XAB2: variants seen among roughly 807,000 people sequenced by gnomAD.
XAB2 encodes the protein XPA binding protein 2.
In XAB2, 57 loss-of-function variants were observed where a neutral mutation model predicts 113.4. The ratio of observed to expected loss-of-function variants is 0.50; its 90% confidence interval spans 0.41 to 0.63. The LOEUF (loss-of-function observed/expected upper bound fraction) is 0.63, where lower values mean the gene tolerates loss of function less well. XAB2 is among the 20% of genes least tolerant of loss of function. XAB2 has a pLI of 0.00. For synonymous variants in XAB2, 497 were observed against 498.8 expected, an observed-to-expected ratio of 1.00 and a Z score of 0.05; for missense variants, 1,037 against 1,233.3, an observed-to-expected ratio of 0.84 and a Z score of 2.38.
chr19:7,621,095 G>GGCCCCCCCCCCCCCCCCCCCCCCCCCC, intron 13 of XAB2, 40 bp downstream of exon 13: 2 of 1,486,314 alleles, frequency 1.3e-6, no homozygotes, highest in Non-Finnish European at 1.8e-6. Context: ...CAGAAACCCA[G>GGCCCCCCCCCCCCCCCCCCCCCCCCCC]CCCGCCCGCC....
chr19:7,621,253 G>T lies in XAB2; in HGVS notation c.1662C>A (p.Ser554=), dbSNP rs776970799. 20 of 1,613,094 alleles carry T rather than the reference G, an allele frequency of 1.2e-5. No homozygotes were observed. Among genetic ancestry groups the T allele is most frequent in the Non-Finnish European group, 1.7e-5 (20 of 1,179,994 alleles). The change falls in exon 13 of 19, where the codon TCC becomes TCA. Residue 554 remains serine, a synonymous_variant. Coordinates refer to ENST00000358368, the MANE Select transcript of XAB2 (RefSeq NM_020196.3). The stretch of plus-strand genomic sequence containing the variant: ...TGGTCAGGTAGGTGCTCCAGATGTC[G>T]GACACGTTGGGCCACTTGAACAGCG... ...GISLFKWPNV[S]DIWSTYLTKF... is the part of the protein sequence containing the mutation.
Position 7,625,442 on chromosome 19 carries a change from G to A in XAB2, c.822+438C>T, listed in dbSNP as rs116420189. Among the ~76,000 whole-genome samples the A allele has an allele frequency of 0.011, 1,601 of 151,104 alleles. 28 individuals are homozygous for A. Among genetic ancestry groups the A allele is most frequent in the African/African-American group, 0.036 (1,495 of 41,086 alleles). On this transcript the variant is annotated intron_variant, in intron 6 of 18. Coordinates refer to ENST00000358368, the MANE Select transcript of XAB2 (RefSeq NM_020196.3). This position sits in a 1 kb window ranked among gnomAD's most constrained non-coding sequence, Gnocchi z 5.2. ...ACCCTCAGCAGGATAGTAATCGTGT[G>A]CAGGGATATGCATGTCTGTCAAAAA... is the stretch of plus-strand genomic sequence containing the variant.
In XAB2 at chr19:7,628,175, G is replaced by A. The variant is rs2031182152; in HGVS notation, c.175C>T (p.Arg59Trp). ...CTGCAGGGCAGCAGCTTGAGTGCCCGCTCGTATAGCTGATTGAGCCTGGGC... is the reference window on the plus strand; with the variant it reads ...CTGCAGGGCAGCAGCTTGAGTGCCCACTCGTATAGCTGATTGAGCCTGGGC... ...PKPRLNQLYE[R>W]ALKLLPCSYK... is the part of the protein sequence containing the mutation. Residue 59 changes from arginine to tryptophan, a missense_variant, in exon 2 of 19, where the codon CGG (arginine) becomes TGG (tryptophan). Transcript: ENST00000358368. This position sits in a 1 kb window ranked among gnomAD's most constrained non-coding sequence, Gnocchi z 4.6. The A allele has an allele frequency of 2.5e-6, 4 of 1,613,566 alleles. No homozygotes were observed. Among genetic ancestry groups the A allele is most frequent in the Non-Finnish European group, 1.7e-6 (2 of 1,179,862 alleles).
At position 7,622,880 on chromosome 19, in the gene XAB2, A is replaced by G; in HGVS notation, c.1253T>C (p.Leu418Pro). 4 of 1,613,796 alleles carry G rather than the reference A, an allele frequency of 2.5e-6. No individual in the cohort carries two copies. Among genetic ancestry groups the G allele is most frequent in the Non-Finnish European group, 3.4e-6 (4 of 1,179,918 alleles). The change falls in exon 10 of 19, where the codon CTG becomes CCG. Residue 418 changes from leucine to proline, a missense_variant. By Grantham distance (98) the Leu-to-Pro change is moderately conservative (BLOSUM62 -3). Transcript: ENST00000358368. ...NGQLDDARVI[L>P]EKATKVNFKQ... Reference sequence around the variant, plus strand: ...GAAGTTCACCTTGGTGGCCTTCTCCAGGATGACACGGGCCTGCCGGGGCGG... The same window carrying G: ...GAAGTTCACCTTGGTGGCCTTCTCCGGGATGACACGGGCCTGCCGGGGCGG...
At position 7,620,562 on chromosome 19, in the gene XAB2, C is replaced by A; in HGVS notation, c.2079G>T (p.Gln693His). 1 of 1,613,426 alleles carries A rather than the reference C, an allele frequency of 6.2e-7. No homozygotes were observed. ...RARAIYSFCS[Q>H]ICDPRTTGAF... Reference sequence around the variant, plus strand: ...ACAGCCCTACCCGGGGGTCACAGATCTGGGAGCAGAAGCTGTAGATGGCCC... The same window carrying A: ...ACAGCCCTACCCGGGGGTCACAGATATGGGAGCAGAAGCTGTAGATGGCCC... The change falls in exon 15 of 19, where the codon CAG (glutamine) becomes CAT (histidine). Residue 693 changes from glutamine to histidine, a missense_variant. Gln to His is a conservative substitution (Grantham distance 24). Coordinates refer to ENST00000358368, the MANE Select transcript of XAB2 (RefSeq NM_020196.3).
rs1479252495 is a variant in XAB2, at chr19:7,622,634, C to T, written c.1399G>A (p.Ala467Thr). The T allele has an allele frequency of 1.9e-5, 31 of 1,611,618 alleles. No individual in the cohort carries two copies. Among genetic ancestry groups the T allele is most frequent in the Non-Finnish European group, 2.5e-5 (29 of 1,180,004 alleles). The change falls in exon 11 of 19, where the codon GCC (alanine) becomes ACC (threonine). Residue 467 changes from alanine (A) to threonine (T), a missense_variant. By Grantham distance (58) the Ala-to-Thr change is moderately conservative. Coordinates refer to ENST00000358368, the MANE Select transcript of XAB2 (RefSeq NM_020196.3). Reference protein sequence around the residue: ...RKATALPARRAEYFDGSEPVQ... With the variant: ...RKATALPARRTEYFDGSEPVQ... ...GGCTCTGAACCATCAAAGTACTCGG[C>T]CCGGCGGGCAGGCAGCGCCGTGGCC...
Position 7,625,738 on chromosome 19 carries a change from CAA to C in XAB2, c.822+140_822+141del, listed in dbSNP as rs549643843. On this transcript the variant is annotated intron_variant, in intron 6 of 18. Transcript: ENST00000358368. The surrounding 1 kb of genome is among the most constrained non-coding windows in gnomAD (Gnocchi z 5.2). ...AAGTGATCCTACCGCCTCGGCCTCC[CAA>C]AGTGCTGGGATGACAGGTGTGAGCC... 124 of 1,228,612 alleles carry C rather than the reference CAA, an allele frequency of 1.0e-4. 2 individuals are homozygous for C. In the South Asian group the frequency reaches 1.9e-3, roughly 19 times the overall value. The allele number at this position is 1,228,612 out of a possible 1,614,324, so 76.1% of individuals were successfully genotyped here.
Position 7,620,531 on chromosome 19 carries a change from C to G in XAB2, c.2094+16G>C. 6.2e-7 allele frequency: 1 copy of G among 1,613,170 alleles called. No homozygotes were observed. Among genetic ancestry groups the G allele is most frequent in the Non-Finnish European group, 8.5e-7 (1 of 1,179,860 alleles). ...CAGCCCCCAACCCTGATACCCGTCC[C>G]TCCCCACAGCCCTACCCGGGGGTCA... On this transcript the variant is annotated intron_variant, in intron 15 of 18. Coordinates refer to ENST00000358368, the MANE Select transcript of XAB2 (RefSeq NM_020196.3).
Position 7,623,433 on chromosome 19 carries a change from A to G in XAB2, c.1120-144T>C. ...CCAGAAACGAACTATGGCCCTTGACAATGGTCAGGACCAAGAGAGAGCTGT... is the reference window on the plus strand; with the variant it reads ...CCAGAAACGAACTATGGCCCTTGACGATGGTCAGGACCAAGAGAGAGCTGT... On this transcript the variant is annotated intron_variant, in intron 8 of 18. Transcript: ENST00000358368. The surrounding 1 kb of genome is among the most constrained non-coding windows in gnomAD (Gnocchi z 4.6). 1 of 1,190,802 alleles carries G rather than the reference A, an allele frequency of 8.4e-7. No individual in the cohort carries two copies. The highest frequency in any genetic ancestry group is 1.5e-5 in the African/African-American group (1 of 65,736). 73.8% of individuals were successfully genotyped at this position (1,190,802 alleles called of 1,614,324 possible).
At position 7,620,898 on chromosome 19, in the gene XAB2, G is replaced by A; in HGVS notation, c.1919C>T (p.Ala640Val). 6.2e-7 allele frequency: 1 copy of A among 1,603,226 alleles called. No individual in the cohort carries two copies. Among genetic ancestry groups the A allele is most frequent in the South Asian group, 1.1e-5 (1 of 89,108 alleles). ...DMFNIYIKRAAEIYGVTHTRG... is the reference protein window; with the variant it reads ...DMFNIYIKRAVEIYGVTHTRG... The stretch of plus-strand genomic sequence containing the variant: ...GGTGTGGGTGACCCCATAGATCTCG[G>A]CCGCCCGCTTGATGTAGATGTTGAA... The change falls in exon 14 of 19, where the codon GCC (alanine) becomes GTC (valine). Residue 640 changes from alanine (A) to valine (V), a missense_variant. Transcript: ENST00000358368.
chr19:7,622,083 CA>C (rs2031045483), intron 12 of XAB2: 1 of 455,092 alleles, frequency 2.2e-6, no homozygotes, highest in Non-Finnish European at 4.0e-6. Flanking sequence ...GAGAAGGCCA[CA>C]CAAAGACATA....
chr19:7,621,325 A>C, intron 12 of XAB2, 28 bp from the exon 13 acceptor site: 1 of 1,609,006 alleles, frequency 6.2e-7, no homozygotes. Context: ...GTCACATGTG[A>C]GAGTCTGCAG....
Position 7,622,563 on chromosome 19 carries a change from G to C in XAB2, c.1470C>G (p.Leu490=). ...VYKSLKVWSM[L]ADLEESLGTF... ...TGCCGAGGCTCTCCTCCAGGTCGGCGAGCATGGACCAGACCTTCAGTGACT... is the reference window on the plus strand; with the variant it reads ...TGCCGAGGCTCTCCTCCAGGTCGGCCAGCATGGACCAGACCTTCAGTGACT... The change falls in exon 11 of 19, where the codon CTC becomes CTG. Residue 490 remains leucine (L), a synonymous_variant. Coordinates refer to ENST00000358368, the MANE Select transcript of XAB2 (RefSeq NM_020196.3). 1.9e-6 allele frequency: 3 copies of C among 1,613,590 alleles called. No homozygotes were observed. The highest frequency in any genetic ancestry group is 2.5e-6 in the Non-Finnish European group (3 of 1,180,030).
chr19:7,625,472 ACT>A lies in XAB2; in HGVS notation c.822+406_822+407del, dbSNP rs1491542430. ...GATATGCATGTCTGTCAAAAATGGC[ACT>A]TTTTTTTTTTTTTTTTTTTTTTGAG... On this transcript the variant is annotated intron_variant, in intron 6 of 18. Transcript: ENST00000358368. The surrounding 1 kb of genome is among the most constrained non-coding windows in gnomAD (Gnocchi z 5.2). Among the ~76,000 whole-genome samples, 7 of 114,288 alleles carry A rather than the reference ACT, an allele frequency of 6.1e-5. No individual in the cohort carries two copies. Among genetic ancestry groups the A allele is most frequent in the Non-Finnish European group, 9.2e-5 (5 of 54,334 alleles). The allele number at this position is 114,288 out of a possible 152,430, so 75.0% of individuals were successfully genotyped here.
intron 12 of XAB2, chr19:7,621,575 C>G: frequency 2.1e-6 from 1 of 469,264 alleles, no homozygotes; most frequent in South Asian, 3.4e-5. Context: ...GGCTCCCCAG[C>G]TCCGCTGACG....
Position 7,624,362 on chromosome 19 carries a change from G to A in XAB2, c.906C>T (p.Phe302=), listed in dbSNP as rs201776166. 56 of 1,614,156 alleles carry A rather than the reference G, an allele frequency of 3.5e-5. No homozygotes were observed. In the South Asian group the frequency reaches 4.2e-4, roughly 12 times the overall value. ...FTQVFDSYAQ[F]EESMIAAKME... ...TCTTTGCAGCGATCATGCTCTCCTC[G>A]AACTGGGCGTAGCTGTCAAACACCT... is the stretch of plus-strand genomic sequence containing the variant. Residue 302 remains phenylalanine, a synonymous_variant, in exon 7 of 19, where the codon TTC becomes TTT. Transcript: ENST00000358368. This position sits in a 1 kb window ranked among gnomAD's most constrained non-coding sequence, Gnocchi z 4.2.
rs1359875561 is a variant in XAB2, at chr19:7,619,546, T to C, written c.*40A>G. 5.9e-6 allele frequency: 7 copies of C among 1,189,804 alleles called. No homozygotes were observed. Among genetic ancestry groups the C allele is most frequent in the Middle Eastern group, 3.2e-4 (1 of 3,138 alleles). The allele number at this position is 1,189,804 out of a possible 1,614,324, so 73.7% of individuals were successfully genotyped here. A position where few individuals can be genotyped will look rare whatever the true frequency, so the allele number is the denominator to read the frequency against. On this transcript the variant is annotated 3_prime_UTR_variant, in exon 19 of 19. Transcript: ENST00000358368. Reference sequence around the variant, plus strand: ...ACCATGATGTACAAACGTAGCTGTATTGGGGAGGGGGTGGGGAGGGGGGAT... The same window carrying C: ...ACCATGATGTACAAACGTAGCTGTACTGGGGAGGGGGTGGGGAGGGGGGAT...
Position 7,624,579 on chromosome 19 carries a change from T to C in XAB2, c.823-134A>G, listed in dbSNP as rs2031101549. ...TGACGCATCCAGCACCTCTGGGTAG[T>C]GACCCCAGGACAGAGCCTCCGTGGA... On this transcript the variant is annotated intron_variant, in intron 6 of 18. Coordinates refer to ENST00000358368, the MANE Select transcript of XAB2 (RefSeq NM_020196.3). This position sits in a 1 kb window ranked among gnomAD's most constrained non-coding sequence, Gnocchi z 4.2. 2 of 1,356,766 alleles carry C rather than the reference T, an allele frequency of 1.5e-6. No individual in the cohort carries two copies. The highest frequency in any genetic ancestry group is 1.4e-5 in the African/African-American group (1 of 69,932). 84.0% of individuals were successfully genotyped at this position (1,356,766 alleles called of 1,614,324 possible). A position where few individuals can be genotyped will look rare whatever the true frequency, so the allele number is the denominator to read the frequency against.
chr19:7,627,676 C>G lies in XAB2; in HGVS notation c.324+52G>C, dbSNP rs369385456. 5 of 1,602,724 alleles carry G rather than the reference C, an allele frequency of 3.1e-6. No homozygotes were observed. Among genetic ancestry groups the G allele is most frequent in the Non-Finnish European group, 4.3e-6 (5 of 1,171,952 alleles). On this transcript the variant is annotated intron_variant, in intron 3 of 18. Coordinates refer to ENST00000358368, the MANE Select transcript of XAB2 (RefSeq NM_020196.3). This position sits in a 1 kb window ranked among gnomAD's most constrained non-coding sequence, Gnocchi z 4.5. ...CAGCCCCTGTCCCCGCCCCACCCAC[C>G]ACCATGGACTGAGCTCCACTTCCCG...
Sources: gnomAD v4.1 joint callset for allele counts (sites outside exome capture counted in the v4.1 genomes callset) on GRCh38, gnomAD v4.1.1 for gene constraint, Gnocchi (gnomAD v3.1) non-coding constraint, MANE v1.5 for transcripts, NCBI Gene and HGNC (gene_info 2026-07-23, HGNC 2026-07-21) for gene names.